KLF12: variants seen among roughly 807,000 people sequenced by gnomAD.
The protein encoded by KLF12 is KLF transcription factor 12.
KLF12 carries 9 observed loss-of-function variants against 37.8 expected under a neutral mutation model. That is an observed-to-expected ratio of 0.24 (90% CI 0.14 to 0.42). KLF12 has a LOEUF of 0.42. Among genes scored for constraint, KLF12 ranks in the 10% least tolerant of loss-of-function variants. The probability of loss-of-function intolerance (pLI) is 1.00; values close to 1 mark genes in which losing one functional copy is unlikely to be tolerated. For missense variants in KLF12, 411 were observed against 516.0 expected (o/e 0.80, Z 1.97); for synonymous variants, 208 against 202.1 (o/e 1.03, Z -0.25).
the KLF12 span, among the ~76,000 whole-genome samples, chr13:74,207,811 C>T: frequency 3.6e-4 from 55 of 152,264 alleles, no homozygotes; most frequent in Non-Finnish European, 5.3e-4. Context: ...TTGACTGTTG[C>T]GTTTTTATCT....
At chr13:73,972,663 T>C (rs1163337561) in intron 2 of KLF12, among the ~76,000 whole-genome samples, 1 of 148,902 alleles carries the variant, frequency 6.7e-6, no homozygotes, top group Non-Finnish European at 1.5e-5. Flanking sequence ...CAAACATAAA[T>C]GAAACAAATA....
intron 1 of KLF12, among the ~76,000 whole-genome samples, chr13:74,061,801 C>G (rs1873608834): frequency 6.6e-6 from 1 of 152,116 alleles, no homozygotes; most frequent in Admixed American, 6.5e-5. Context: ...TTGTAGAAAT[C>G]AAGGTCACAC....
the KLF12 span, among the ~76,000 whole-genome samples, chr13:74,283,548 C>A: frequency 6.6e-6 from 1 of 152,144 alleles, no homozygotes; most frequent in South Asian, 2.1e-4. Flanking sequence ...GGATTTTGAG[C>A]TTTTCCTAAT....
chr13:74,102,201 G>C (rs1876389165), intron 1 of KLF12, among the ~76,000 whole-genome samples: 1 of 147,776 alleles, frequency 6.8e-6, no homozygotes, highest in African/African-American at 2.5e-5. Flanking sequence ...CTGGGTGACA[G>C]AGCAAGACTC....
intron 7 of KLF12, among the ~76,000 whole-genome samples, chr13:73,706,969 C>G (rs536433880): frequency 6.6e-6 from 1 of 152,300 alleles, no homozygotes; most frequent in East Asian, 1.9e-4. Flanking sequence ...AAAGACCACT[C>G]TATGTTAATT....
intron 1 of KLF12, among the ~76,000 whole-genome samples, chr13:73,998,813 T>G (rs1341938206): frequency 6.6e-6 from 1 of 152,208 alleles, no homozygotes; most frequent in Non-Finnish European, 1.5e-5. Context: ...TAAAAATATT[T>G]GAAGGTTAAT....
the KLF12 span, among the ~76,000 whole-genome samples, chr13:74,242,278 C>T: frequency 6.6e-6 from 1 of 152,174 alleles, no homozygotes; most frequent in Non-Finnish European, 1.5e-5. Flanking sequence ...AAAGACATAT[C>T]TGTGACCTAT....
chr13:73,811,731 T>C (rs950676290), intron 5 of KLF12, among the ~76,000 whole-genome samples: 4 of 152,160 alleles, frequency 2.6e-5, no homozygotes, highest in African/African-American at 7.2e-5. Flanking sequence ...GCATGGAAAT[T>C]TGTATCCAGA....
intron 2 of KLF12, among the ~76,000 whole-genome samples, chr13:73,988,993 G>T (rs572961026): frequency 6.6e-6 from 1 of 152,220 alleles, no homozygotes; most frequent in African/African-American, 2.4e-5. Flanking sequence ...TTGAACACTG[G>T]CAGAACCAGG....
intron 7 of KLF12, among the ~76,000 whole-genome samples, chr13:73,696,870 C>G (rs1231120432): frequency 6.6e-6 from 1 of 152,208 alleles, no homozygotes; most frequent in African/African-American, 2.4e-5. Context: ...CAACTTCAGA[C>G]AGAGTTAGTG....
At chr13:73,929,823 C>T (rs984466613) in intron 3 of KLF12, among the ~76,000 whole-genome samples, 12 of 152,186 alleles carry the variant, frequency 7.9e-5, no homozygotes, top group East Asian at 1.9e-4. Flanking sequence ...CCTTCTGCAT[C>T]CCTTTTATGC....
At chr13:74,068,421 C>A (rs1414670826) in intron 1 of KLF12, among the ~76,000 whole-genome samples, 2 of 152,204 alleles carry the variant, frequency 1.3e-5, no homozygotes, top group East Asian at 3.8e-4. Flanking sequence ...GACAATCCAT[C>A]ATGGCTGTAA....
the KLF12 span, among the ~76,000 whole-genome samples, chr13:74,184,768 A>T: frequency 7.2e-5 from 11 of 152,332 alleles, no homozygotes; most frequent in South Asian, 2.1e-4. Context: ...TACAATAACC[A>T]ACAGAATTCT....
intron 2 of KLF12, among the ~76,000 whole-genome samples, chr13:73,977,007 AT>A (rs1891544909): frequency 6.6e-6 from 1 of 151,998 alleles, no homozygotes; most frequent in Admixed American, 6.6e-5. Flanking sequence ...AGCTTTATCT[AT>A]TAGGCAAATA....
intron 1 of KLF12, among the ~76,000 whole-genome samples, chr13:74,071,978 C>A (rs994504246): frequency 2.0e-5 from 3 of 152,182 alleles, no homozygotes; most frequent in East Asian, 3.9e-4. Context: ...CCAACCCCCC[C>A]ACCTGAACAA....
chr13:74,238,560 C>T, the KLF12 span, among the ~76,000 whole-genome samples: 1 of 135,234 alleles, frequency 7.4e-6, no homozygotes, highest in Admixed American at 7.0e-5. Flanking sequence ...GCTGTGAATC[C>T]ATCTGGTCCT....
intron 2 of KLF12, among the ~76,000 whole-genome samples, chr13:73,960,012 A>T (rs1203439707): frequency 2.0e-5 from 3 of 152,138 alleles, no homozygotes; most frequent in Admixed American, 1.3e-4. Flanking sequence ...ACATAAATAG[A>T]TGAGAAACAT....
intron 5 of KLF12, among the ~76,000 whole-genome samples, chr13:73,781,394 A>AT (rs1277399747): frequency 6.6e-6 from 1 of 152,108 alleles, no homozygotes; most frequent in Non-Finnish European, 1.5e-5. Context: ...ACCACTATTT[A>AT]TTTTTTTGTA....
intron 3 of KLF12, among the ~76,000 whole-genome samples, chr13:73,861,671 T>C (rs753668263): frequency 3.3e-5 from 5 of 152,122 alleles, no homozygotes; most frequent in Non-Finnish European, 5.9e-5. Context: ...TATATATTAC[T>C]TTTTTTTAAT....
Sources: allele counts gnomAD v4.1 joint callset (sites outside exome capture counted in the v4.1 genomes callset), GRCh38; gene constraint gnomAD v4.1.1; transcripts MANE v1.5; gene names NCBI Gene and HGNC (gene_info 2026-07-23, HGNC 2026-07-21).